The following PHC2 variants were observed in gnomAD, a reference collection of about 807,000 sequenced individuals.
PHC2 encodes the protein polyhomeotic-like protein 2.
In PHC2, 29 loss-of-function variants were observed where a neutral mutation model predicts 87.4. The ratio of observed to expected loss-of-function variants is 0.33; its 90% CI spans 0.25 to 0.45. The LOEUF (loss-of-function observed/expected upper bound fraction) is 0.45. PHC2 is among the 20% of genes least tolerant of loss of function. The pLI is 1.00. For missense variants in PHC2, 857 were observed against 1,136.7 expected (o/e 0.75, Z 3.54); for synonymous variants, 438 against 461.7 (o/e 0.95, Z 0.66).
intron 1 of PHC2, among the ~76,000 whole-genome samples, chr1:33,430,545 A>AT (rs1650868839): frequency 6.6e-6 from 1 of 151,976 alleles, no homozygotes; most frequent in African/African-American, 2.4e-5. Flanking sequence ...GCGCAAGACC[A>AT]CGGGCTGCCG....
At chr1:33,348,688 G>C (rs894697104) in intron 9 of PHC2, among the ~76,000 whole-genome samples, 1 of 152,146 alleles carries the variant, frequency 6.6e-6, no homozygotes, top group African/African-American at 2.4e-5. Flanking sequence ...GATCAAACAC[G>C]GGAGATATCC....
In PHC2 at chr1:33,390,255, C is replaced by T. The variant is rs111259472; in HGVS notation, c.-54-14662G>A. Among the ~76,000 whole-genome samples, 821 of 152,280 alleles carry T rather than the reference C, an allele frequency of 5.4e-3. 12 individuals carry two copies. Among genetic ancestry groups the T allele is most frequent in the African/African-American group, 0.019 (787 of 41,552 alleles). On this transcript the variant is annotated intron_variant, in intron 1 of 14. Coordinates refer to ENST00000683057, the MANE Select transcript of PHC2 (RefSeq NM_001385109.1). ...CTTTTTACTGGACATCAGAAATCCA[C>T]CTGAAATTTTAAGCTTTTTGCTTAT...
chr1:33,380,612 G>A (rs1470481543), intron 1 of PHC2, among the ~76,000 whole-genome samples: 2 of 152,128 alleles, frequency 1.3e-5, no homozygotes, highest in Non-Finnish European at 2.9e-5. Flanking sequence ...CCACCTTTTG[G>A]CTATTGTGAA....
chr1:33,411,033 C>T (rs1209229583), intron 1 of PHC2, among the ~76,000 whole-genome samples: 1 of 151,970 alleles, frequency 6.6e-6, no homozygotes, highest in African/African-American at 2.4e-5. Flanking sequence ...ATTACTAGTG[C>T]AAAATAATTT....
intron 9 of PHC2, among the ~76,000 whole-genome samples, chr1:33,338,834 G>C (rs1011045906): frequency 2.0e-5 from 3 of 152,164 alleles, no homozygotes; most frequent in African/African-American, 7.2e-5. Flanking sequence ...GGATAAGGCC[G>C]ATGGGAGAGG....
At chr1:33,391,227 C>T (rs1185016872) in intron 1 of PHC2, among the ~76,000 whole-genome samples, 1 of 152,180 alleles carries the variant, frequency 6.6e-6, no homozygotes, top group East Asian at 1.9e-4. Context: ...CTTTGAGAAC[C>T]ACTGTCTTGG....
intron 1 of PHC2, among the ~76,000 whole-genome samples, chr1:33,417,293 C>T (rs12354364): frequency 0.19 from 28,363 of 151,880 alleles, 2,809 homozygotes; most frequent in South Asian, 0.25. Flanking sequence ...CCAGCTATCC[C>T]GATAATTATA....
intron 1 of PHC2, among the ~76,000 whole-genome samples, chr1:33,426,691 C>G (rs972829270): frequency 2.0e-5 from 3 of 152,168 alleles, no homozygotes; most frequent in African/African-American, 4.8e-5. Context: ...AGCAAACTCA[C>G]AGAGTCCAAA....
At chr1:33,410,559 AG>A in intron 1 of PHC2, among the ~76,000 whole-genome samples, 1 of 152,350 alleles carries the variant, frequency 6.6e-6, no homozygotes, top group Middle Eastern at 3.4e-3. Context: ...GCGATATTCC[AG>A]GGCTGCTATC....
chr1:33,421,054 G>T (rs1020377054), intron 1 of PHC2, among the ~76,000 whole-genome samples: 1 of 152,192 alleles, frequency 6.6e-6, no homozygotes, highest in Non-Finnish European at 1.5e-5. Flanking sequence ...TCAATAAGTT[G>T]TAATTCCAAT....
At chr1:33,371,568 G>T (rs1647846057) in intron 3 of PHC2, among the ~76,000 whole-genome samples, 1 of 152,186 alleles carries the variant, frequency 6.6e-6, no homozygotes, top group Non-Finnish European at 1.5e-5. Context: ...AGAATTTGCA[G>T]ACATGAGCTG....
At position 33,368,546 on chromosome 1, in the gene PHC2, G is replaced by A. The variant is rs768611848; in HGVS notation, c.653C>T (p.Thr218Ile). 7 of 1,532,794 alleles carry A rather than the reference G, an allele frequency of 4.6e-6. No individual in the cohort carries two copies. Among genetic ancestry groups the A allele is most frequent in the Non-Finnish European group, 6.2e-6 (7 of 1,134,230 alleles). 94.9% of individuals were successfully genotyped at this position (1,532,794 alleles called of 1,614,324 possible). A position where few individuals can be genotyped will look rare whatever the true frequency, so the allele number is the denominator to read the frequency against. Residue 218 changes from threonine (T) to isoleucine (I), a missense_variant, in exon 6 of 15, where the codon ACC (threonine) becomes ATC (isoleucine). By Grantham distance (89) the Thr-to-Ile change is moderately conservative (BLOSUM62 -1). Around this residue, in one of 3 missense-constraint regions of PHC2, gnomAD observed 832 missense variants for 1,081.8 expected, o/e 0.77. Coordinates refer to ENST00000683057, the MANE Select transcript of PHC2 (RefSeq NM_001385109.1). The surrounding 1 kb of genome is among the most constrained non-coding windows in gnomAD (Gnocchi z 6.6). ...GCATGGAGTCCTCACCTGGGCGGGGGTGGGGGGCCGGGCGGGGGAGCCAGT... is the reference window on the plus strand; with the variant it reads ...GCATGGAGTCCTCACCTGGGCGGGGATGGGGGGCCGGGCGGGGGAGCCAGT... ...LGTGSPARPP[T>I]PAQVQNLTLR...
rs116582062 is a variant in PHC2, at chr1:33,325,172, T to C, written c.2426-153A>G. On this transcript the variant is annotated intron_variant, in intron 14 of 14. Transcript: ENST00000683057. ...CTTGAGGAAGGCGCTGCTGTTCTTA[T>C]TTTGCAGCTTGAGAGAGGCTGTGCA... The C allele has an allele frequency of 8.7e-4, 658 of 752,960 alleles. 3 individuals are homozygous for C. In the African/African-American group the frequency reaches 0.01, roughly 12 times the overall value. 46.6% of individuals were successfully genotyped at this position (752,960 alleles called of 1,614,324 possible).
intron 1 of PHC2, chr1:33,392,683 G>A (rs973341242): frequency 1.3e-5 from 2 of 152,096 alleles, no homozygotes; most frequent in Admixed American, 6.6e-5. Context: ...TTGTCCTACC[G>A]TGGGATGCAG....
intron 1 of PHC2, among the ~76,000 whole-genome samples, chr1:33,413,376 C>T (rs1395728522): frequency 6.6e-6 from 1 of 152,172 alleles, no homozygotes; most frequent in Non-Finnish European, 1.5e-5. Context: ...CTATCTAACA[C>T]TGAAGTATTG....
At chr1:33,391,117 G>A (rs929372930) in intron 1 of PHC2, among the ~76,000 whole-genome samples, 1 of 152,176 alleles carries the variant, frequency 6.6e-6, no homozygotes, top group African/African-American at 2.4e-5. Flanking sequence ...GTGGTTCTCA[G>A]ACTTGAGCAC....
rs756581540 is a variant in PHC2 at position 33,334,055 on chromosome 1, C to CT, written c.1761+34dup. 5.9e-6 allele frequency: 9 copies of CT among 1,536,820 alleles called. No individual in the cohort carries two copies. In the African/African-American group the frequency reaches 1.1e-4, roughly 19 times the overall value. The stretch of plus-strand genomic sequence containing the variant: ...TATTCTAAGACACATCCAAAATATA[C>CT]TTAAAAAAAAAAGGGGAAAAGAAGT... On this transcript the variant is annotated intron_variant, in intron 10 of 14. Coordinates refer to ENST00000683057, the MANE Select transcript of PHC2 (RefSeq NM_001385109.1). The surrounding 1 kb of genome is among the most constrained non-coding windows in gnomAD (Gnocchi z 5.5).
Position 33,354,453 on chromosome 1 carries a change from A to G in PHC2, c.1506T>C (p.Pro502=), listed in dbSNP as rs371241122. 3.1e-6 allele frequency: 5 copies of G among 1,613,960 alleles called. No individual in the cohort carries two copies. The highest frequency in any genetic ancestry group is 3.4e-6 in the Non-Finnish European group (4 of 1,180,020). ...PHQQAIVTAM[P]GGLPVPTSPN... ...GGCTCGTGGGTACAGGCAGGCCACCAGGCATGGCAGTGACAATAGCCTGCT... is the reference window on the plus strand; with the variant it reads ...GGCTCGTGGGTACAGGCAGGCCACCGGGCATGGCAGTGACAATAGCCTGCT... Residue 502 remains proline (P), a synonymous_variant, in exon 9 of 15, where the codon CCT becomes CCC. Transcript: ENST00000683057.
intron 9 of PHC2, among the ~76,000 whole-genome samples, chr1:33,350,150 G>T (rs1306336734): frequency 6.6e-6 from 1 of 152,080 alleles, no homozygotes; most frequent in Admixed American, 6.5e-5. Flanking sequence ...GGGGCGGCCC[G>T]CGACTCCCGC....
Sources: gnomAD v4.1 joint callset for allele counts (sites outside exome capture counted in the v4.1 genomes callset) on GRCh38, gnomAD v4.1.1 for gene constraint, gnomAD v4.1.1 regional missense constraint, Gnocchi (gnomAD v3.1) non-coding constraint, MANE v1.5 for transcripts, NCBI Gene and HGNC (gene_info 2026-07-23, HGNC 2026-07-21) for gene names.